The following WDR17 variants were observed in gnomAD, a reference collection of about 807,000 sequenced individuals.
WDR17 encodes the protein WD repeat-containing protein 17.
Under a neutral mutation model 161.7 loss-of-function variants are expected in WDR17, and 143 were observed. The observed-to-expected ratio is 0.88, with a 90% CI of 0.77 to 1.02. The LOEUF (loss-of-function observed/expected upper bound fraction) is 1.02, where lower values mean the gene tolerates loss of function less well. WDR17 is among the 50% of genes least tolerant of loss of function. The pLI, the probability that WDR17 is intolerant of heterozygous loss-of-function variation, is 0.00. For missense variants in WDR17, 1,469 were observed against 1,520.9 expected (o/e 0.97, Z 0.57); for synonymous variants, 517 against 515.6 (o/e 1.00, Z -0.04).
At chr4:176,126,568 A>C (rs919590492) in intron 5 of WDR17, among the ~76,000 whole-genome samples, 49 of 152,336 alleles carry the variant, frequency 3.2e-4, no homozygotes, top group African/African-American at 1.1e-3. Flanking sequence ...GTTAGGGGAA[A>C]AAAATTCCAC....
intron 17 of WDR17, among the ~76,000 whole-genome samples, chr4:176,153,335 G>T (rs78624885): frequency 0.012 from 1,792 of 152,260 alleles, 20 homozygotes; most frequent in Non-Finnish European, 0.019. Flanking sequence ...ATCTGATAAA[G>T]GATGATGATT....
At position 176,125,242 on chromosome 4, in the gene WDR17, T is replaced by G. The variant is rs1232055096; in HGVS notation, c.677T>G (p.Leu226Arg). 4 of 1,614,180 alleles carry G rather than the reference T, an allele frequency of 2.5e-6. No individual in the cohort carries two copies. The highest frequency in any genetic ancestry group is 3.4e-6 in the Non-Finnish European group (4 of 1,180,026). ...GTTAATTTGCATTATGGAATTCGCC[T>G]GGTAGATTCTGAATCACTTTCTTGC... The part of the protein sequence containing the change: ...LVVNLHYGIR[L>R]VDSESLSCIT... The change falls in exon 5 of 29, where the codon CTG (leucine) becomes CGG (arginine). Residue 226 changes from leucine to arginine, a missense_variant. Coordinates refer to ENST00000508596, the MANE Select transcript of WDR17 (RefSeq NM_181265.4).
At chr4:176,078,794 A>G (rs973869033) in intron 1 of WDR17, among the ~76,000 whole-genome samples, 2 of 152,030 alleles carry the variant, frequency 1.3e-5, no homozygotes, top group African/African-American at 4.8e-5. Context: ...TATGGGGCAC[A>G]TATTTATGAT....
At chr4:176,127,416 C>T (rs137866146) in intron 5 of WDR17, among the ~76,000 whole-genome samples, 379 of 152,106 alleles carry the variant, frequency 2.5e-3, no homozygotes, top group African/African-American at 8.6e-3. Context: ...CTCAGCCTCC[C>T]GAGTAGCTGA....
chr4:176,066,380 A>G (rs1437379236), intron 1 of WDR17, among the ~76,000 whole-genome samples: 1 of 152,216 alleles, frequency 6.6e-6, no homozygotes, highest in East Asian at 1.9e-4. Context: ...TTTTATGGCT[A>G]TTAAGTATAT....
chr4:176,125,633 G>T (rs1280450687), intron 5 of WDR17, among the ~76,000 whole-genome samples: 1 of 152,172 alleles, frequency 6.6e-6, no homozygotes, highest in Non-Finnish European at 1.5e-5. Flanking sequence ...GCATGTCTGT[G>T]TATGTGCAAA....
Position 176,171,955 on chromosome 4 carries a change from G to A in WDR17, c.3103-420G>A, listed in dbSNP as rs76140498. On this transcript the variant is annotated intron_variant, in intron 23 of 28. Transcript: ENST00000508596. ...AAGCCAAGTGACGTTAAATTACAGCGTAGAGGACATGGAATAATGCACACC... is the reference window on the plus strand; with the variant it reads ...AAGCCAAGTGACGTTAAATTACAGCATAGAGGACATGGAATAATGCACACC... Among the ~76,000 whole-genome samples, 578 of 152,220 alleles carry A rather than the reference G, an allele frequency of 3.8e-3. 4 individuals carry two copies. The highest frequency in any genetic ancestry group is 0.016 in the East Asian group (83 of 5,184).
chr4:176,136,670 G>T (rs1744460884), intron 8 of WDR17, among the ~76,000 whole-genome samples: 1 of 151,350 alleles, frequency 6.6e-6, no homozygotes. Flanking sequence ...GTAGGATATA[G>T]ATAATTACAT....
intron 3 of WDR17, among the ~76,000 whole-genome samples, chr4:176,118,373 CT>C (rs1299885059): frequency 6.6e-6 from 1 of 152,110 alleles, no homozygotes; most frequent in Non-Finnish European, 1.5e-5. Context: ...TACCTCATCT[CT>C]TTTTTGGGTA....
chr4:176,116,134 T>C (rs1275706434), intron 3 of WDR17, among the ~76,000 whole-genome samples, 155 bp downstream of exon 3: 2 of 151,860 alleles, frequency 1.3e-5, no homozygotes, highest in Non-Finnish European at 2.9e-5. Context: ...CTCATGCCCA[T>C]AGGTACAAAG....
chr4:176,143,440 G>A (rs1009077273), intron 11 of WDR17, among the ~76,000 whole-genome samples: 2 of 151,636 alleles, frequency 1.3e-5, no homozygotes, highest in African/African-American at 4.8e-5. Flanking sequence ...GAGGCCAGAG[G>A]GTCACTTGAG....
chr4:176,130,925 A>G (rs1228418673), intron 6 of WDR17, among the ~76,000 whole-genome samples: 2 of 152,098 alleles, frequency 1.3e-5, no homozygotes, highest in East Asian at 1.9e-4. Flanking sequence ...TAAATAATAT[A>G]TAAAAATAAT....
chr4:176,079,948 C>T (rs1734529490), intron 1 of WDR17, among the ~76,000 whole-genome samples: 1 of 151,950 alleles, frequency 6.6e-6, no homozygotes, highest in South Asian at 2.1e-4. Flanking sequence ...ACCCATTGAG[C>T]CACTAATTCA....
At position 176,074,332 on chromosome 4, in the gene WDR17, T is replaced by A. The variant is rs555075640; in HGVS notation, c.-7+8253T>A. Among the ~76,000 whole-genome samples the A allele has an allele frequency of 2.3e-3, 348 of 151,140 alleles. 3 individuals carry two copies. The highest frequency in any genetic ancestry group is 8.0e-3 in the African/African-American group (329 of 41,282). On this transcript the variant is annotated intron_variant, in intron 1 of 28. Coordinates refer to ENST00000508596, the MANE Select transcript of WDR17 (RefSeq NM_181265.4). Reference sequence around the variant, plus strand: ...AACACCTTTTCCCTTTTCCCTCCATTATTTTTATTTTTCTCTATTCCACAG... The same window carrying A: ...AACACCTTTTCCCTTTTCCCTCCATAATTTTTATTTTTCTCTATTCCACAG...
intron 1 of WDR17, among the ~76,000 whole-genome samples, chr4:176,082,074 T>C (rs865795823): frequency 8.4e-4 from 128 of 152,248 alleles, no homozygotes; most frequent in African/African-American, 3.0e-3. Context: ...CTTTGTTTAC[T>C]TCTTGTTTAT....
intron 12 of WDR17, among the ~76,000 whole-genome samples, chr4:176,146,920 G>A (rs954188920): frequency 2.0e-5 from 3 of 151,932 alleles, no homozygotes; most frequent in Non-Finnish European, 4.4e-5. Flanking sequence ...AGGCTGGAGT[G>A]CAGTGGCATG....
In WDR17 at chr4:176,163,531, G is replaced by A. The variant is rs188942415; in HGVS notation, c.2990+238G>A. Among the ~76,000 whole-genome samples, 198 of 152,232 alleles carry A rather than the reference G, an allele frequency of 1.3e-3. 3 individuals carry two copies. Among genetic ancestry groups the A allele is most frequent in the Non-Finnish European group, 1.6e-3 (107 of 68,004 alleles). Reference sequence around the variant, plus strand: ...AGTAGCCCAGTTGTAATTCCGTAGTGTTTCAAGCACTTAAAGTATCATGAG... The same window carrying A: ...AGTAGCCCAGTTGTAATTCCGTAGTATTTCAAGCACTTAAAGTATCATGAG... On this transcript the variant is annotated intron_variant, in intron 22 of 28. Transcript: ENST00000508596.
chr4:176,074,853 A>G (rs1224323872), intron 1 of WDR17, among the ~76,000 whole-genome samples: 2 of 117,774 alleles, frequency 1.7e-5, no homozygotes, highest in Non-Finnish European at 3.3e-5. Flanking sequence ...CCTAGCACAT[A>G]GTTATTGCTC....
intron 15 of WDR17, 78 bp downstream of exon 15, chr4:176,150,251 T>A: frequency 1.3e-6 from 2 of 1,565,988 alleles, no homozygotes; most frequent in Non-Finnish European, 1.7e-6. Flanking sequence ...TATTCACATA[T>A]TTACATGTAC....
Sources: gnomAD v4.1 joint callset for allele counts (sites outside exome capture counted in the v4.1 genomes callset) on GRCh38, gnomAD v4.1.1 for gene constraint, MANE v1.5 for transcripts, NCBI Gene and HGNC (gene_info 2026-07-23, HGNC 2026-07-21) for gene names.